Variants in PCDHGB3 observed in about 807,000 individuals in gnomAD.
PCDHGB3 encodes the protein protocadherin gamma subfamily B, 3.
In PCDHGB3, 40 loss-of-function variants were observed where a neutral mutation model predicts 59.2. The observed-to-expected ratio is 0.68, with a 90% CI of 0.52 to 0.88. The LOEUF (loss-of-function observed/expected upper bound fraction) is 0.88, where lower values mean the gene tolerates loss of function less well. PCDHGB3 is among the 40% of genes least tolerant of loss of function. PCDHGB3 has a pLI of 0.00. For synonymous variants in PCDHGB3, 581 were observed against 503.6 expected (o/e 1.15, Z -2.06); for missense variants, 1,309 against 1,187.9 (o/e 1.10, Z -1.50).
rs779750859 is a variant in PCDHGB3, at chr5:141,476,273, A to G, written c.2416-18534A>G. On this transcript the variant is annotated intron_variant, in intron 1 of 3. Transcript: ENST00000576222. The surrounding 1 kb of genome is among the most constrained non-coding windows in gnomAD (Gnocchi z 7.6). Reference sequence around the variant, plus strand: ...TTTCGCTGTGGGCAACGTGGTCGCGAACCTTGGTTTGGATCTCGGTAGCCT... The same window carrying G: ...TTTCGCTGTGGGCAACGTGGTCGCGGACCTTGGTTTGGATCTCGGTAGCCT... 6.2e-7 allele frequency: 1 copy of G among 1,613,964 alleles called. No individual in the cohort carries two copies. The highest frequency in any genetic ancestry group is 1.1e-5 in the South Asian group (1 of 91,064).
intron 3 of PCDHGB3, among the ~76,000 whole-genome samples, chr5:141,509,745 T>C (rs1456852988): frequency 6.6e-6 from 1 of 152,186 alleles, no homozygotes; most frequent in East Asian, 1.9e-4. Context: ...TCTGAGCCTG[T>C]GCCTAAAGTG....
chr5:141,402,850 T>C (rs1447900346), intron 1 of PCDHGB3: 7 of 1,417,624 alleles, frequency 4.9e-6, no homozygotes, highest in Non-Finnish European at 6.5e-6. Context: ...TCAGCCTCTT[T>C]CTTCTAAGGA....
intron 1 of PCDHGB3, chr5:141,393,342 C>T (rs765924046): frequency 6.2e-7 from 1 of 1,613,944 alleles, no homozygotes; most frequent in Admixed American, 1.7e-5. Context: ...CCCCAATCAC[C>T]ACTTCTCCCT....
intron 1 of PCDHGB3, chr5:141,408,368 C>T: frequency 3.1e-6 from 5 of 1,613,992 alleles, no homozygotes; most frequent in Non-Finnish European, 4.2e-6. Context: ...GGATCTAGGG[C>T]TCAGTGTCCT....
rs2099623095 is a variant in PCDHGB3 at position 141,486,025 on chromosome 5, T to C, written c.2416-8782T>C. 1 of 1,613,958 alleles carries C rather than the reference T, an allele frequency of 6.2e-7. No individual in the cohort carries two copies. The highest frequency in any genetic ancestry group is 8.5e-7 in the Non-Finnish European group (1 of 1,179,932). The stretch of plus-strand genomic sequence containing the variant: ...ACGTCACCTTTTATTTCAGTGGTCA[T>C]ACCCCTGATCGTGTAAGAAACCTCT... On this transcript the variant is annotated intron_variant, in intron 1 of 3. Transcript: ENST00000576222. The surrounding 1 kb of genome is among the most constrained non-coding windows in gnomAD (Gnocchi z 5.0).
chr5:141,414,789 C>T, intron 1 of PCDHGB3: 1 of 1,614,218 alleles, frequency 6.2e-7, no homozygotes, highest in East Asian at 2.2e-5. Context: ...AGGTGACAGC[C>T]AGCGACAGCG....
intron 3 of PCDHGB3, 88 bp from the exon 4 acceptor site, chr5:141,510,859 A>G: frequency 6.2e-7 from 1 of 1,606,096 alleles, no homozygotes; most frequent in Non-Finnish European, 8.5e-7. Context: ...GGTGCTGTAT[A>G]GGCATTCATT....
In PCDHGB3 at chr5:141,431,615, G is replaced by C. The variant is rs1231591874; in HGVS notation, c.2415+58806G>C. The C allele has an allele frequency of 1.2e-6, 2 of 1,614,118 alleles. No individual in the cohort carries two copies. Among genetic ancestry groups the C allele is most frequent in the Non-Finnish European group, 8.5e-7 (1 of 1,180,050 alleles). ...GAGGTATTCCTTCCGGTATGTGGACGACAAGGCGGCCCAAGTTTTCAAACT... is the reference window on the plus strand; with the variant it reads ...GAGGTATTCCTTCCGGTATGTGGACCACAAGGCGGCCCAAGTTTTCAAACT... On this transcript the variant is annotated intron_variant, in intron 1 of 3. Coordinates refer to ENST00000576222, the MANE Select transcript of PCDHGB3 (RefSeq NM_018924.5). This position sits in a 1 kb window ranked among gnomAD's most constrained non-coding sequence, Gnocchi z 4.8.
chr5:141,458,825 C>A (rs1417477907), intron 1 of PCDHGB3, among the ~76,000 whole-genome samples: 1 of 152,102 alleles, frequency 6.6e-6, no homozygotes, highest in Non-Finnish European at 1.5e-5. Context: ...CTCTGCCTCC[C>A]AGGCTCAAGT....
chr5:141,410,617 T>A, intron 1 of PCDHGB3: 2 of 1,603,978 alleles, frequency 1.2e-6, no homozygotes, highest in Non-Finnish European at 1.7e-6. Flanking sequence ...AGACTCTGAC[T>A]TCGGTGAGTT....
chr5:141,389,490 G>T, intron 1 of PCDHGB3: 1 of 1,613,044 alleles, frequency 6.2e-7, no homozygotes, highest in South Asian at 1.1e-5. Flanking sequence ...CCGCGACCAG[G>T]GCTCGCCAGC....
chr5:141,385,690 G>A (rs1308061047), intron 1 of PCDHGB3: 1 of 326,260 alleles, frequency 3.1e-6, no homozygotes, highest in African/African-American at 2.2e-5. Context: ...GTCTTCTCAG[G>A]ATTCTCTTTA....
intron 1 of PCDHGB3, chr5:141,430,966 A>G: frequency 1.2e-6 from 2 of 1,612,916 alleles, no homozygotes. Context: ...TCATCCCCAG[A>G]GGTAGGACGC....
intron 2 of PCDHGB3, among the ~76,000 whole-genome samples, chr5:141,503,685 G>A (rs1171934407): frequency 2.6e-5 from 4 of 151,882 alleles, no homozygotes; most frequent in African/African-American, 9.7e-5. Context: ...TTGGGAAGGA[G>A]AATTGAGATT....
At chr5:141,410,846 TGTC>T (rs1025068052) in intron 1 of PCDHGB3, 5 of 423,660 alleles carry the variant, frequency 1.2e-5, no homozygotes, top group South Asian at 4.0e-5. Flanking sequence ...ATTTTGTCTT[TGTC>T]TTTTTTTTTT....
At chr5:141,399,910 G>T in intron 1 of PCDHGB3, 1 of 1,612,438 alleles carries the variant, frequency 6.2e-7, no homozygotes, top group Non-Finnish European at 8.5e-7. Context: ...CGCAGACTCA[G>T]GACACAACGC....
At chr5:141,470,961 C>T (rs1447105252) in intron 1 of PCDHGB3, among the ~76,000 whole-genome samples, 1 of 152,036 alleles carries the variant, frequency 6.6e-6, no homozygotes, top group Non-Finnish European at 1.5e-5. Context: ...AAGTGATCCT[C>T]CCACCTCAGC....
chr5:141,433,359 C>CTATCTATCTATA, intron 1 of PCDHGB3: 1 of 228,708 alleles, frequency 4.4e-6, no homozygotes, highest in South Asian at 4.1e-5. Context: ...TACTGTCTGC[C>CTATCTATCTATA]TATCTATCTA....
intron 1 of PCDHGB3, among the ~76,000 whole-genome samples, chr5:141,405,709 C>T (rs2094708572): frequency 2.0e-5 from 3 of 152,150 alleles, no homozygotes; most frequent in African/African-American, 7.2e-5. Context: ...AATTCCTAAC[C>T]TCAAGTGATC....
Sources: gnomAD v4.1 joint callset for allele counts (sites outside exome capture counted in the v4.1 genomes callset) on GRCh38, gnomAD v4.1.1 for gene constraint, Gnocchi (gnomAD v3.1) non-coding constraint, MANE v1.5 for transcripts, NCBI Gene and HGNC (gene_info 2026-07-23, HGNC 2026-07-21) for gene names.